The following YLPM1 variants were observed in gnomAD, a reference collection of about 807,000 sequenced individuals.
YLPM1 encodes the protein YLP motif containing 1, also known as YLP motif-containing protein 1.
A neutral mutation model predicts 230.0 loss-of-function variants in YLPM1; 99 were observed. That is an observed-to-expected ratio of 0.43 (90% CI 0.37 to 0.51). The LOEUF is 0.51. Among genes scored for constraint, YLPM1 ranks in the 20% least tolerant of loss-of-function variants. The pLI is 0.00. For missense variants in YLPM1, 2,592 were observed against 2,707.7 expected, an observed-to-expected ratio of 0.96 and a Z score of 0.95; for synonymous variants, 984 against 942.5, an observed-to-expected ratio of 1.04 and a Z score of -0.81.
At chr14:74,787,539 G>A (rs896842164) in intron 4 of YLPM1, among the ~76,000 whole-genome samples, 4 of 151,820 alleles carry the variant, frequency 2.6e-5, no homozygotes. Context: ...TCCAGCCTGG[G>A]CGACAGAGTG....
chr14:74,830,263 G>A (rs1268317872), intron 19 of YLPM1, among the ~76,000 whole-genome samples: 1 of 152,180 alleles, frequency 6.6e-6, no homozygotes, highest in Non-Finnish European at 1.5e-5. Context: ...GTACAGTACA[G>A]CATATATAGG....
At chr14:74,776,381 T>C (rs1419813376) in intron 1 of YLPM1, among the ~76,000 whole-genome samples, 1 of 152,190 alleles carries the variant, frequency 6.6e-6, no homozygotes, top group African/African-American at 2.4e-5. Flanking sequence ...TTAGTACATA[T>C]TGTTGATTTA....
chr14:74,812,511 G>A (rs2091442582), intron 10 of YLPM1, 117 bp from the exon 11 acceptor site: 1 of 1,017,418 alleles, frequency 9.8e-7, no homozygotes, highest in South Asian at 2.9e-5. Context: ...AGTTAAAAGT[G>A]GCCCCAAAAT....
intron 1 of YLPM1, among the ~76,000 whole-genome samples, chr14:74,776,919 G>A (rs2091046326): frequency 6.6e-6 from 1 of 152,034 alleles, no homozygotes; most frequent in Non-Finnish European, 1.5e-5. Flanking sequence ...TTATCCAGAT[G>A]GTGGCACATA....
At chr14:74,812,500 A>T in intron 10 of YLPM1, 128 bp from the exon 11 acceptor site, 1 of 906,822 alleles carries the variant, frequency 1.1e-6, no homozygotes, top group Non-Finnish European at 1.5e-6. Context: ...TCTCTAATTA[A>T]AGTTAAAAGT....
intron 1 of YLPM1, among the ~76,000 whole-genome samples, chr14:74,770,434 G>A (rs1007472523): frequency 2.0e-5 from 3 of 151,994 alleles, no homozygotes; most frequent in African/African-American, 7.3e-5. Flanking sequence ...GACCAGCCTG[G>A]CCAACATGGT....
Position 74,782,083 on chromosome 14 carries a change from C to T in YLPM1, c.2040C>T (p.Ala680=), listed in dbSNP as rs763000557. ...CTACTCCTGTGTCTTTTGGTTCTGCCCCACCGACAACTTACCATCCTCCGT... is the reference window on the plus strand; with the variant it reads ...CTACTCCTGTGTCTTTTGGTTCTGCTCCACCGACAACTTACCATCCTCCGT... ...LLPTPVSFGS[A]PPTTYHPPLQ... is the part of the protein sequence containing the mutation. The change falls in exon 4 of 21, where the codon GCC becomes GCT. Residue 680 remains alanine (A), a synonymous_variant. Transcript: ENST00000325680. The T allele has an allele frequency of 6.8e-6, 11 of 1,613,946 alleles. No homozygotes were observed. Among genetic ancestry groups the T allele is most frequent in the Non-Finnish European group, 9.3e-6 (11 of 1,179,864 alleles).
chr14:74,796,750 CTTTT>C (rs755667903), intron 4 of YLPM1, among the ~76,000 whole-genome samples: 3 of 127,026 alleles, frequency 2.4e-5, no homozygotes, highest in South Asian at 2.5e-4. Flanking sequence ...GCTACTGTTT[CTTTT>C]TTTTTTTTTT....
rs1168400666 is a variant in YLPM1 at position 74,778,491 on chromosome 14, A to G, written c.918A>G (p.Gln306=). The part of the protein sequence containing the change: ...YWYRQHLLSL[Q]QRTKVHLPGH... ...ATCGACAGCACTTGCTTAGTTTGCAACAGAGGACAAAAGTTCATTTGCCAG... is the reference window on the plus strand; with the variant it reads ...ATCGACAGCACTTGCTTAGTTTGCAGCAGAGGACAAAAGTTCATTTGCCAG... Residue 306 remains glutamine (Q), a synonymous_variant, in exon 2 of 21, where the codon CAA becomes CAG. Transcript: ENST00000325680. 3 of 1,608,866 alleles carry G rather than the reference A, an allele frequency of 1.9e-6. No individual in the cohort carries two copies. Among genetic ancestry groups the G allele is most frequent in the Non-Finnish European group, 2.5e-6 (3 of 1,177,702 alleles).
intron 4 of YLPM1, among the ~76,000 whole-genome samples, chr14:74,796,880 G>T (rs1471375082): frequency 6.7e-6 from 1 of 149,918 alleles, no homozygotes; most frequent in African/African-American, 2.5e-5. Flanking sequence ...TTCCAGAAGT[G>T]CTCAGAGTTA....
intron 15 of YLPM1, among the ~76,000 whole-genome samples, 190 bp from the exon 16 acceptor site, chr14:74,818,041 C>T (rs1228692268): frequency 6.7e-6 from 1 of 150,140 alleles, no homozygotes; most frequent in African/African-American, 2.5e-5. Flanking sequence ...GGGTGACAGA[C>T]CGAGATTCTG....
intron 19 of YLPM1, among the ~76,000 whole-genome samples, chr14:74,831,065 A>G (rs1243904860): frequency 1.3e-5 from 2 of 152,216 alleles, no homozygotes; most frequent in African/African-American, 4.8e-5. Context: ...TTTCTACAGC[A>G]GTGCTGTAAT....
rs754453813 is a variant in YLPM1 at position 74,798,931 on chromosome 14, C to G, written c.3634C>G (p.Pro1212Ala). 6.2e-7 allele frequency: 1 copy of G among 1,613,768 alleles called. No homozygotes were observed. The highest frequency in any genetic ancestry group is 8.5e-7 in the Non-Finnish European group (1 of 1,179,824). ...GTTTCCATTAGATGGTAGAAATGCTCCAATGGAACGAGAAAGACTCGATGA... is the reference window on the plus strand; with the variant it reads ...GTTTCCATTAGATGGTAGAAATGCTGCAATGGAACGAGAAAGACTCGATGA... ...EEFPLDGRNA[P>A]MERERLDDWD... The change falls in exon 5 of 21, where the codon CCA (proline) becomes GCA (alanine). Residue 1212 changes from proline to alanine, a missense_variant. Coordinates refer to ENST00000325680, the MANE Select transcript of YLPM1 (RefSeq NM_019589.3).
At chr14:74,777,915 C>T (rs1336122943) in intron 1 of YLPM1, among the ~76,000 whole-genome samples, 1 of 151,594 alleles carries the variant, frequency 6.6e-6, no homozygotes, top group African/African-American at 2.4e-5. Context: ...GTTGAGGCTT[C>T]AGTGAGCCAT....
chr14:74,778,706 G>A (rs947261065), intron 2 of YLPM1, 23 bp downstream of exon 2: 2 of 1,513,880 alleles, frequency 1.3e-6, no homozygotes, highest in Non-Finnish European at 8.9e-7. Flanking sequence ...TTAATTGTTT[G>A]TGTTTATTAA....
At chr14:74,797,432 A>G (rs745520568) in intron 4 of YLPM1, 148 bp from the exon 5 acceptor site, 1 of 665,886 alleles carries the variant, frequency 1.5e-6, no homozygotes, top group South Asian at 2.9e-5. Context: ...TGGTTCTAAG[A>G]TATTGGTGAC....
At position 74,816,633 on chromosome 14, in the gene YLPM1, C is replaced by T. The variant is rs764955140; in HGVS notation, c.5628C>T (p.Ile1876=). 5.0e-6 allele frequency: 8 copies of T among 1,613,198 alleles called. No individual in the cohort carries two copies. Among genetic ancestry groups the T allele is most frequent in the East Asian group, 2.2e-5 (1 of 44,836 alleles). Residue 1876 remains isoleucine (I), a synonymous_variant, in exon 13 of 21, where the codon ATC becomes ATT. Coordinates refer to ENST00000325680, the MANE Select transcript of YLPM1 (RefSeq NM_019589.3). ...TTCTAAGCCTGGATGATTACTTCATCACTGAAGTGGAAAAAGAAGAAAAAG... is the reference window on the plus strand; with the variant it reads ...TTCTAAGCCTGGATGATTACTTCATTACTGAAGTGGAAAAAGAAGAAAAAG... ...PRVLSLDDYF[I]TEVEKEEKDP...
At chr14:74,771,936 C>A (rs1346921425) in intron 1 of YLPM1, among the ~76,000 whole-genome samples, 1 of 152,100 alleles carries the variant, frequency 6.6e-6, no homozygotes, top group Non-Finnish European at 1.5e-5. Flanking sequence ...AATATTTAAG[C>A]CTATTTTAAA....
In YLPM1 at chr14:74,797,861, A is replaced by G; in HGVS notation, c.2564A>G (p.Gln855Arg). The G allele has an allele frequency of 3.1e-6, 5 of 1,614,004 alleles. No individual in the cohort carries two copies. The highest frequency in any genetic ancestry group is 4.2e-6 in the Non-Finnish European group (5 of 1,179,886). Residue 855 changes from glutamine to arginine, a missense_variant, in exon 5 of 21, where the codon CAA becomes CGA. By Grantham distance (43) the Gln-to-Arg change is conservative. Around this residue, in one of 4 missense-constraint regions of YLPM1, gnomAD observed 1,862 missense variants for 1,819.8 expected, o/e 1.02. Coordinates refer to ENST00000325680, the MANE Select transcript of YLPM1 (RefSeq NM_019589.3). ...GQQHQQQPKS[Q>R]AEPLSGNKEP... ...CAGCATCAGCAGCAACCTAAGTCACAAGCAGAACCTCTTTCAGGAAACAAA... is the reference window on the plus strand; with the variant it reads ...CAGCATCAGCAGCAACCTAAGTCACGAGCAGAACCTCTTTCAGGAAACAAA...
Sources: gnomAD v4.1 joint callset for allele counts (sites outside exome capture counted in the v4.1 genomes callset) on GRCh38, gnomAD v4.1.1 for gene constraint, gnomAD v4.1.1 regional missense constraint, MANE v1.5 for transcripts, NCBI Gene and HGNC (gene_info 2026-07-23, HGNC 2026-07-21) for gene names.